FAM171B: variants seen among roughly 807,000 people sequenced by gnomAD.
FAM171B encodes family with sequence similarity 171 member B.
A neutral mutation model predicts 75.6 loss-of-function variants in FAM171B; 19 were observed. The ratio of observed to expected loss-of-function variants is 0.25; its 90% CI spans 0.18 to 0.37. The LOEUF (loss-of-function observed/expected upper bound fraction) is 0.37, where lower values mean the gene tolerates loss of function less well. Among genes scored for constraint, FAM171B ranks in the 10% least tolerant of loss-of-function variants. The pLI is 1.00. For synonymous variants in FAM171B, 367 were observed against 361.7 expected (o/e 1.01, Z -0.17); for missense variants, 848 against 982.4 (o/e 0.86, Z 1.83).
intron 1 of FAM171B, among the ~76,000 whole-genome samples, chr2:186,719,896 TA>T (rs1445117573): frequency 6.6e-6 from 1 of 152,202 alleles, no homozygotes; most frequent in Non-Finnish European, 1.5e-5. Flanking sequence ...TGTGAAAAAT[TA>T]GGTCTAAACA....
chr2:186,700,718 T>C (rs1689647568), intron 1 of FAM171B, among the ~76,000 whole-genome samples: 1 of 152,194 alleles, frequency 6.6e-6, no homozygotes, highest in Non-Finnish European at 1.5e-5. Context: ...TTTGTGTGAA[T>C]ATGTTTTCAT....
intron 6 of FAM171B, among the ~76,000 whole-genome samples, chr2:186,756,614 GA>G (rs1484580663): frequency 1.3e-5 from 2 of 152,108 alleles, no homozygotes; most frequent in East Asian, 3.9e-4. Context: ...GGCCTTTCCA[GA>G]CACCAACCAG....
intron 1 of FAM171B, among the ~76,000 whole-genome samples, chr2:186,696,072 A>G (rs1689573950): frequency 6.6e-6 from 1 of 152,160 alleles, no homozygotes. Context: ...TGCAAATTAA[A>G]ATGTTTGCTT....
At chr2:186,751,525 C>T (rs1559092299) in intron 5 of FAM171B, among the ~76,000 whole-genome samples, 1 of 152,186 alleles carries the variant, frequency 6.6e-6, no homozygotes, top group Admixed American at 6.5e-5. Context: ...TATTCATTCC[C>T]TTACCTTTTT....
chr2:186,720,099 G>A (rs1284694414), intron 1 of FAM171B, among the ~76,000 whole-genome samples: 3 of 152,176 alleles, frequency 2.0e-5, no homozygotes, highest in African/African-American at 7.2e-5. Context: ...ATGCAATGGC[G>A]CTATCTCAGC....
intron 1 of FAM171B, among the ~76,000 whole-genome samples, 190 bp downstream of exon 1, chr2:186,694,601 C>G (rs544136605): frequency 6.6e-6 from 1 of 152,234 alleles, no homozygotes; most frequent in East Asian, 1.9e-4. Context: ...ATCTGCCCTC[C>G]GGGTAATGAG....
Position 186,753,937 on chromosome 2 carries a change from T to G in FAM171B, c.900T>G (p.Ala300=). Residue 300 remains alanine, a synonymous_variant, in exon 6 of 8, where the codon GCT becomes GCG. Coordinates refer to ENST00000304698, the MANE Select transcript of FAM171B (RefSeq NM_177454.4). ...PAWTFDMNTG[A]WVNHGRGMVK... is the part of the protein sequence containing the mutation. The stretch of plus-strand genomic sequence containing the variant: ...ATTTTTTACATACCTTTTTAGGTGC[T>G]TGGGTAAATCATGGTCGGGGAATGG... The G allele has an allele frequency of 6.2e-7, 1 of 1,613,302 alleles. No individual in the cohort carries two copies. Among genetic ancestry groups the G allele is most frequent in the Non-Finnish European group, 8.5e-7 (1 of 1,179,380 alleles).
chr2:186,736,566 G>GTGT (rs1553511472), intron 1 of FAM171B, among the ~76,000 whole-genome samples: 5 of 128,108 alleles, frequency 3.9e-5, no homozygotes, highest in Admixed American at 8.2e-5. Flanking sequence ...GTGTGTGTGT[G>GTGT]GGAGAGAGAG....
At chr2:186,696,852 T>C (rs1220700790) in intron 1 of FAM171B, among the ~76,000 whole-genome samples, 2 of 108,162 alleles carry the variant, frequency 1.8e-5, no homozygotes, top group Non-Finnish European at 3.9e-5. Context: ...GTACTCATTA[T>C]TCTCAGCTGT....
At chr2:186,700,777 A>G (rs1689648300) in intron 1 of FAM171B, among the ~76,000 whole-genome samples, 1 of 152,160 alleles carries the variant, frequency 6.6e-6, no homozygotes, top group Non-Finnish European at 1.5e-5. Context: ...CAACTGATAC[A>G]CTTTTGCGGT....
In FAM171B at chr2:186,694,132, G is replaced by A. The variant is rs1574515551; in HGVS notation, c.-42G>A. The A allele has an allele frequency of 4.1e-6, 6 of 1,465,246 alleles. No homozygotes were observed. The highest frequency in any genetic ancestry group is 5.4e-6 in the Non-Finnish European group (6 of 1,117,926). The allele number at this position is 1,465,246 out of a possible 1,614,324, so 90.8% of individuals were successfully genotyped here. On this transcript the variant is annotated 5_prime_UTR_variant, in exon 1 of 8. Transcript: ENST00000304698. ...GCAGCCCTGGCGCCCGCCGCCGCCCGGAGCCCCGCAATATGCCGCCGCGGC... is the reference window on the plus strand; with the variant it reads ...GCAGCCCTGGCGCCCGCCGCCGCCCAGAGCCCCGCAATATGCCGCCGCGGC...
chr2:186,719,321 T>C (rs1689917616), intron 1 of FAM171B, among the ~76,000 whole-genome samples: 1 of 152,320 alleles, frequency 6.6e-6, no homozygotes, highest in East Asian at 1.9e-4. Flanking sequence ...AAACATACTT[T>C]GCGCATTGAT....
chr2:186,706,726 A>G (rs1489849048), intron 1 of FAM171B, among the ~76,000 whole-genome samples: 1 of 152,198 alleles, frequency 6.6e-6, no homozygotes, highest in Non-Finnish European at 1.5e-5. Flanking sequence ...CTTAAAGATC[A>G]GGATGCTATG....
At position 186,762,193 on chromosome 2, in the gene FAM171B, T is replaced by C; in HGVS notation, c.1851T>C (p.Ala617=). Residue 617 remains alanine, a synonymous_variant, in exon 8 of 8, where the codon GCT becomes GCC. Transcript: ENST00000304698. This position sits in a 1 kb window ranked among gnomAD's most constrained non-coding sequence, Gnocchi z 4.0. ...GTCAACAGAGCCTGCCATCCCAGGC[T>C]TCAGATTGGAGCCGATACTCAAGCA... is the stretch of plus-strand genomic sequence containing the variant. ...LEGQQSLPSQ[A]SDWSRYSSSL... 6.2e-7 allele frequency: 1 copy of C among 1,613,720 alleles called. No homozygotes were observed.
In FAM171B at chr2:186,737,432, C is replaced by A. The variant is rs140559076; in HGVS notation, c.239-2796C>A. 3.6e-3 allele frequency among the ~76,000 whole-genome samples: 542 copies of A among 152,302 alleles called. 3 individuals are homozygous for A. Among genetic ancestry groups the A allele is most frequent in the African/African-American group, 0.013 (524 of 41,560 alleles). On this transcript the variant is annotated intron_variant, in intron 1 of 7. Transcript: ENST00000304698. ...AGTGCAGTGGTGTGATCATGGCTCA[C>A]TGCAGCCTTGACCTCCTGGGCTAAA...
At chr2:186,744,482 C>T (rs1308616443) in intron 3 of FAM171B, among the ~76,000 whole-genome samples, 1 of 152,170 alleles carries the variant, frequency 6.6e-6, no homozygotes, top group Non-Finnish European at 1.5e-5. Context: ...TGTAGAATCT[C>T]TTACTTATGA....
chr2:186,724,765 G>A (rs1368653869), intron 1 of FAM171B, among the ~76,000 whole-genome samples: 2 of 152,146 alleles, frequency 1.3e-5, no homozygotes, highest in Non-Finnish European at 1.5e-5. Context: ...GGAGGTGAGA[G>A]CGTGCCTGGA....
chr2:186,749,160 A>G (rs562154301), intron 4 of FAM171B, among the ~76,000 whole-genome samples: 1 of 152,234 alleles, frequency 6.6e-6, no homozygotes, highest in Non-Finnish European at 1.5e-5. Flanking sequence ...AGCCACATGC[A>G]GTTAGTGGTC....
Position 186,694,479 on chromosome 2 carries a change from C to T in FAM171B, c.238+68C>T, listed in dbSNP as rs914312252. On this transcript the variant is annotated intron_variant, in intron 1 of 7. Transcript: ENST00000304698. Reference sequence around the variant, plus strand: ...CGATCTCTTAGGGCCTCGCCGGCTTCCTCGCCCCTTCCCTATCCATTCCTA... The same window carrying T: ...CGATCTCTTAGGGCCTCGCCGGCTTTCTCGCCCCTTCCCTATCCATTCCTA... The T allele has an allele frequency of 9.8e-6, 15 of 1,525,540 alleles. No homozygotes were observed. The Admixed American group carries it at 1.4e-4, about 14-fold the overall frequency. 94.5% of individuals were successfully genotyped at this position (1,525,540 alleles called of 1,614,324 possible). A position where few individuals can be genotyped will look rare whatever the true frequency, so the allele number is the denominator to read the frequency against.
Sources: gnomAD v4.1 joint callset for allele counts (sites outside exome capture counted in the v4.1 genomes callset) on GRCh38, gnomAD v4.1.1 for gene constraint, Gnocchi (gnomAD v3.1) non-coding constraint, MANE v1.5 for transcripts, NCBI Gene and HGNC (gene_info 2026-07-23, HGNC 2026-07-21) for gene names.